FRMD4A: variants seen among roughly 807,000 people sequenced by gnomAD.
FRMD4A encodes FERM domain-containing protein 4A.
In FRMD4A, 29 loss-of-function variants were observed where a neutral mutation model predicts 129.1. The ratio of observed to expected loss-of-function variants is 0.22; its 90% CI spans 0.17 to 0.31. The LOEUF is 0.31. Ranked by LOEUF, FRMD4A falls within the 10% of genes least tolerant of loss-of-function variation. FRMD4A has a pLI of 1.00. For missense variants in FRMD4A, 1,272 were observed against 1,375.8 expected (o/e 0.92, Z 1.19); for synonymous variants, 634 against 571.6 (o/e 1.11, Z -1.56).
intron 2 of FRMD4A, among the ~76,000 whole-genome samples, chr10:14,123,138 CA>C (rs1838631353): frequency 6.6e-6 from 1 of 151,450 alleles, no homozygotes; most frequent in African/African-American, 2.4e-5. Flanking sequence ...AAACAAAAAA[CA>C]AAACAAAACT....
intron 2 of FRMD4A, among the ~76,000 whole-genome samples, chr10:13,927,226 C>A (rs2095143170): frequency 6.7e-6 from 1 of 149,844 alleles, no homozygotes; most frequent in Non-Finnish European, 1.5e-5. Context: ...GCACTACAGC[C>A]TGAGTGACAA....
chr10:14,078,467 G>C (rs991420082), intron 2 of FRMD4A, among the ~76,000 whole-genome samples: 1 of 152,220 alleles, frequency 6.6e-6, no homozygotes, highest in Non-Finnish European at 1.5e-5. Context: ...TTAAAGGGAA[G>C]CTTCTTCCCG....
At chr10:14,184,028 C>G (rs1589138066) in intron 2 of FRMD4A, among the ~76,000 whole-genome samples, 1 of 152,082 alleles carries the variant, frequency 6.6e-6, no homozygotes, top group African/African-American at 2.4e-5. Context: ...ATGTTTTTAC[C>G]TGGTCATGGT....
intron 2 of FRMD4A, among the ~76,000 whole-genome samples, chr10:14,242,408 A>T (rs1218398): frequency 1.3e-5 from 2 of 152,008 alleles, no homozygotes; most frequent in Non-Finnish European, 2.9e-5. Flanking sequence ...TTATTATATT[A>T]GATTTTGCAG....
At chr10:14,010,664 C>CTTTTTTTTTT (rs779471389) in intron 2 of FRMD4A, among the ~76,000 whole-genome samples, 4 of 76,428 alleles carry the variant, frequency 5.2e-5, no homozygotes, top group Non-Finnish European at 7.3e-5. Context: ...GAGTTTAGGT[C>CTTTTTTTTTT]TTTTTTTTTT....
chr10:14,301,875 T>C (rs905848073), intron 2 of FRMD4A, among the ~76,000 whole-genome samples: 1 of 152,126 alleles, frequency 6.6e-6, no homozygotes. Context: ...GAGTAGGCTG[T>C]ATAACCCTGG....
intron 2 of FRMD4A, among the ~76,000 whole-genome samples, chr10:14,193,699 A>C (rs1441107131): frequency 6.6e-6 from 1 of 151,100 alleles, no homozygotes; most frequent in Non-Finnish European, 1.5e-5. Flanking sequence ...AAAAAAAAAA[A>C]ACTACAAATA....
At chr10:14,064,429 C>G (rs752309027) in intron 2 of FRMD4A, among the ~76,000 whole-genome samples, 1 of 152,130 alleles carries the variant, frequency 6.6e-6, no homozygotes, top group Non-Finnish European at 1.5e-5. Flanking sequence ...TCCACATTGC[C>G]GTGGCCACCT....
intron 2 of FRMD4A, among the ~76,000 whole-genome samples, chr10:14,010,389 T>A (rs12783779): frequency 0.2 from 30,228 of 152,042 alleles, 3,447 homozygotes; most frequent in East Asian, 0.45. Flanking sequence ...ATGTTAATGG[T>A]AACAAAAATA....
At chr10:13,690,634 T>C (rs1043941083) in intron 15 of FRMD4A, among the ~76,000 whole-genome samples, 1 of 151,928 alleles carries the variant, frequency 6.6e-6, no homozygotes, top group African/African-American at 2.4e-5. Context: ...TCGGGTTGAG[T>C]CATGGGGCTT....
Position 13,647,594 on chromosome 10 carries a change from G to A in FRMD4A, c.*3-559C>T, listed in dbSNP as rs147120012. The A allele has an allele frequency of 9.2e-5, 14 of 152,252 alleles. No homozygotes were observed. The East Asian group carries it at 2.1e-3, about 23-fold the overall frequency. The allele number at this position is 152,252 out of a possible 1,614,324, so 9.4% of individuals were successfully genotyped here. ...GAGTTTTCCCTATAGTGAAACTGCG[G>A]TGGTATTTTGAATTGTGTTTTAAAA... On this transcript the variant is annotated intron_variant, in intron 24 of 24. Transcript: ENST00000357447.
rs567143146 is a variant in FRMD4A, at chr10:13,926,442, G to A, written c.46-67530C>T. Among the ~76,000 whole-genome samples the A allele has an allele frequency of 5.9e-5, 9 of 152,266 alleles. 1 individual carries two copies. Among genetic ancestry groups the A allele is most frequent in the African/African-American group, 1.9e-4 (8 of 41,556 alleles). ...GATTAGTGCCAAGCCAATAACCAAGGCAATTCCAGTCCATAATAAAAAGCA... is the reference window on the plus strand; with the variant it reads ...GATTAGTGCCAAGCCAATAACCAAGACAATTCCAGTCCATAATAAAAAGCA... On this transcript the variant is annotated intron_variant, in intron 2 of 24. Transcript: ENST00000357447.
chr10:13,994,001 G>A (rs1370006054), intron 2 of FRMD4A, among the ~76,000 whole-genome samples: 3 of 149,116 alleles, frequency 2.0e-5, no homozygotes, highest in African/African-American at 7.3e-5. Flanking sequence ...AGATATTTAG[G>A]GTGGGACAGT....
intron 2 of FRMD4A, among the ~76,000 whole-genome samples, chr10:14,153,873 C>T (rs1260695036): frequency 6.6e-6 from 1 of 152,192 alleles, no homozygotes; most frequent in African/African-American, 2.4e-5. Flanking sequence ...TCTTTCCTAA[C>T]TACTCAGGCA....
At chr10:13,884,122 T>TCACA (rs777007506) in intron 2 of FRMD4A, among the ~76,000 whole-genome samples, 842 of 77,256 alleles carry the variant, frequency 0.011, 30 homozygotes, top group African/African-American at 0.044. Flanking sequence ...ACACACACAC[T>TCACA]CACACACACG....
chr10:14,056,420 T>A lies in FRMD4A; in HGVS notation c.46-197508A>T, dbSNP rs79357499. 1.7e-3 allele frequency among the ~76,000 whole-genome samples: 259 copies of A among 151,892 alleles called. 2 individuals are homozygous for A. Among genetic ancestry groups the A allele is most frequent in the Middle Eastern group, 0.01 (3 of 294 alleles). ...CGTGATTGAAAAAAAAATTTAAAGTTTTTTCCCCCAGTATTTCTTTAGTTG... is the reference window on the plus strand; with the variant it reads ...CGTGATTGAAAAAAAAATTTAAAGTATTTTCCCCCAGTATTTCTTTAGTTG... On this transcript the variant is annotated intron_variant, in intron 2 of 24. Transcript: ENST00000357447.
chr10:13,951,275 G>A (rs74122406), intron 2 of FRMD4A, among the ~76,000 whole-genome samples: 1 of 152,044 alleles, frequency 6.6e-6, no homozygotes, highest in Non-Finnish European at 1.5e-5. Context: ...GTGAGGATGC[G>A]GGGCGCCAGG....
chr10:13,997,676 G>A (rs1293635241), intron 2 of FRMD4A, among the ~76,000 whole-genome samples: 1 of 137,100 alleles, frequency 7.3e-6, no homozygotes, highest in Non-Finnish European at 1.5e-5. Flanking sequence ...AGGCTGGATT[G>A]CAGTGATGTA....
At chr10:14,214,889 G>A (rs1191605756) in intron 2 of FRMD4A, among the ~76,000 whole-genome samples, 2 of 152,094 alleles carry the variant, frequency 1.3e-5, no homozygotes, top group Non-Finnish European at 2.9e-5. Context: ...CCATACTAAC[G>A]TACACTTTAA....
Sources: allele counts gnomAD v4.1 joint callset (sites outside exome capture counted in the v4.1 genomes callset), GRCh38; gene constraint gnomAD v4.1.1; transcripts MANE v1.5; gene names NCBI Gene and HGNC (gene_info 2026-07-23, HGNC 2026-07-21).